TYW1: variants seen among roughly 807,000 people sequenced by gnomAD.
TYW1 encodes the protein S-adenosyl-L-methionine-dependent tRNA 4-demethylwyosine synthase TYW1.
A neutral mutation model predicts 96.2 loss-of-function variants in TYW1; 46 were observed. The ratio of observed to expected loss-of-function variants is 0.48; its 90% CI spans 0.38 to 0.61. The LOEUF is 0.61. Ranked by LOEUF, TYW1 falls within the 20% of genes least tolerant of loss-of-function variation. The pLI, the probability that TYW1 is intolerant of heterozygous loss-of-function variation, is 0.00. For missense variants in TYW1, 684 were observed against 909.6 expected (o/e 0.75, Z 3.19); for synonymous variants, 274 against 323.0 (o/e 0.85, Z 1.63).
chr7:67,165,079 A>G (rs2116234960), intron 13 of TYW1, among the ~76,000 whole-genome samples: 1 of 151,924 alleles, frequency 6.6e-6, no homozygotes, highest in Non-Finnish European at 1.5e-5. Context: ...ACCGTCAATG[A>G]ACAAATATGC....
chr7:67,188,939 A>G (rs1395194401), intron 14 of TYW1, among the ~76,000 whole-genome samples: 1 of 152,218 alleles, frequency 6.6e-6, no homozygotes, highest in Non-Finnish European at 1.5e-5. Context: ...GGAAACACAC[A>G]TGTATGTGTA....
At chr7:67,022,479 G>C (rs971100554) in intron 6 of TYW1, among the ~76,000 whole-genome samples, 1 of 152,178 alleles carries the variant, frequency 6.6e-6, no homozygotes, top group African/African-American at 2.4e-5. Context: ...TGGAAATGAT[G>C]AGGTAGGAGC....
chr7:67,120,692 T>C lies in TYW1; in HGVS notation c.1698+3074T>C, dbSNP rs534141382. Among the ~76,000 whole-genome samples the C allele has an allele frequency of 9.2e-5, 14 of 152,292 alleles. 1 individual carries two copies. The South Asian group carries it at 1.9e-3, about 20-fold the overall frequency. On this transcript the variant is annotated intron_variant, in intron 13 of 15. Transcript: ENST00000359626. ...ACATTGTTATCTAGGCTGTGTTCTT[T>C]GAGTATGGAAGATGACAAGGAAACA...
intron 13 of TYW1, among the ~76,000 whole-genome samples, chr7:67,151,804 T>TG (rs34842692): frequency 0.26 from 39,223 of 151,634 alleles, 5,503 homozygotes; most frequent in African/African-American, 0.38. Context: ...TGCTGCTTTT[T>TG]TTGTTGTTGT....
chr7:67,160,887 C>T (rs1336260836), intron 13 of TYW1, among the ~76,000 whole-genome samples: 1 of 151,888 alleles, frequency 6.6e-6, no homozygotes, highest in Admixed American at 6.6e-5. Context: ...CCACTGTGCC[C>T]GGCCTCTCTA....
At chr7:67,039,812 G>A (rs1293578438) in intron 7 of TYW1, among the ~76,000 whole-genome samples, 3 of 151,368 alleles carry the variant, frequency 2.0e-5, no homozygotes, top group African/African-American at 7.3e-5. Flanking sequence ...ACAGGTACGT[G>A]CCACCACGCC....
intron 13 of TYW1, among the ~76,000 whole-genome samples, chr7:67,125,997 C>T (rs1269874179): frequency 6.6e-6 from 1 of 152,012 alleles, no homozygotes; most frequent in Non-Finnish European, 1.5e-5. Context: ...CAAGTTTTGG[C>T]AATTTTGAAC....
intron 6 of TYW1, among the ~76,000 whole-genome samples, chr7:67,021,273 T>C (rs1403086862): frequency 1.3e-5 from 2 of 152,296 alleles, no homozygotes; most frequent in African/African-American, 4.8e-5. Flanking sequence ...TCTCATTCTC[T>C]CTTTCCAGGA....
chr7:67,120,358 CA>C (rs1181173471), intron 13 of TYW1, among the ~76,000 whole-genome samples: 1 of 152,176 alleles, frequency 6.6e-6, no homozygotes. Flanking sequence ...GCTGGGATTA[CA>C]GGTGTGAGCC....
In TYW1 at chr7:67,205,568, T is replaced by G. The variant is rs546331819; in HGVS notation, c.1977+10231T>G. 9.9e-5 allele frequency among the ~76,000 whole-genome samples: 15 copies of G among 151,806 alleles called. 1 individual carries two copies. The South Asian group carries it at 3.2e-3, about 32-fold the overall frequency. Reference sequence around the variant, plus strand: ...CTGGAGGGGAGGAGGAGGGCAGGATTCCCCGCTCACCTTCTCTGATACCGC... The same window carrying G: ...CTGGAGGGGAGGAGGAGGGCAGGATGCCCCGCTCACCTTCTCTGATACCGC... On this transcript the variant is annotated intron_variant, in intron 15 of 15. Transcript: ENST00000359626.
intron 13 of TYW1, among the ~76,000 whole-genome samples, chr7:67,173,222 A>T (rs1179007145): frequency 2.0e-5 from 3 of 152,088 alleles, no homozygotes; most frequent in African/African-American, 4.8e-5. Flanking sequence ...CAAGATTCTC[A>T]CATTGTACTT....
chr7:67,226,128 A>C (rs1407792758), intron 15 of TYW1, among the ~76,000 whole-genome samples: 1 of 152,212 alleles, frequency 6.6e-6, no homozygotes. Flanking sequence ...AACCGACTGC[A>C]TCTTGCTTCT....
At chr7:67,059,244 C>T (rs539306181) in intron 9 of TYW1, among the ~76,000 whole-genome samples, 20 of 151,152 alleles carry the variant, frequency 1.3e-4, no homozygotes, top group South Asian at 4.2e-4. Flanking sequence ...GGACTGCAGG[C>T]GCCCGCCACC....
intron 11 of TYW1, among the ~76,000 whole-genome samples, chr7:67,083,901 G>A (rs1796458276): frequency 6.6e-6 from 1 of 152,150 alleles, no homozygotes; most frequent in South Asian, 2.1e-4. Flanking sequence ...TGGACATGAT[G>A]GTGGTTGCCT....
intron 13 of TYW1, among the ~76,000 whole-genome samples, chr7:67,152,665 G>A (rs1278340220): frequency 1.3e-5 from 2 of 152,186 alleles, no homozygotes; most frequent in Admixed American, 1.3e-4. Context: ...GCAGTGGCAT[G>A]ATCTCGGCTC....
chr7:67,209,888 A>G (rs542531756), intron 15 of TYW1, among the ~76,000 whole-genome samples: 2 of 152,004 alleles, frequency 1.3e-5, no homozygotes, highest in East Asian at 3.9e-4. Context: ...TTTTTTTTCA[A>G]TAGACTTTAT....
At chr7:67,187,847 G>T (rs373318554) in intron 14 of TYW1, among the ~76,000 whole-genome samples, 37 of 152,190 alleles carry the variant, frequency 2.4e-4, no homozygotes, top group African/African-American at 8.9e-4. Flanking sequence ...ATTATGTATT[G>T]TGTGGATTAT....
intron 7 of TYW1, among the ~76,000 whole-genome samples, chr7:67,040,661 A>G (rs980549994): frequency 1.3e-5 from 2 of 152,122 alleles, no homozygotes; most frequent in African/African-American, 4.8e-5. Flanking sequence ...CCTGGGCAAC[A>G]TGACGAAACC....
chr7:67,229,663 C>A (rs1009467769), intron 15 of TYW1, among the ~76,000 whole-genome samples: 23 of 143,204 alleles, frequency 1.6e-4, no homozygotes, highest in Admixed American at 1.3e-3. Flanking sequence ...ACAAAAAAAA[C>A]AATGCTCTGG....
Sources: allele counts gnomAD v4.1 joint callset (sites outside exome capture counted in the v4.1 genomes callset), GRCh38; gene constraint gnomAD v4.1.1; transcripts MANE v1.5; gene names NCBI Gene and HGNC (gene_info 2026-07-23, HGNC 2026-07-21).